TPGS1: variants seen among roughly 807,000 people sequenced by gnomAD.
The protein encoded by TPGS1 is tubulin polyglutamylase complex subunit 1.
A neutral mutation model predicts 11.9 loss-of-function variants in TPGS1; 18 were observed. The observed-to-expected ratio is 1.51, with a 90% CI of 1.04 to 2.24. The LOEUF (loss-of-function observed/expected upper bound fraction) is 2.24. Ranked by LOEUF, TPGS1 falls within the 30% of genes most tolerant of loss-of-function variation. The pLI, the probability that TPGS1 is intolerant of heterozygous loss-of-function variation, is 0.00. For synonymous variants in TPGS1, 247 were observed against 218.2 expected, an observed-to-expected ratio of 1.13 and a Z score of -1.16; for missense variants, 500 against 443.0, an observed-to-expected ratio of 1.13 and a Z score of -1.16.
At chr19:507,873 G>A (rs1003325670) in intron 1 of TPGS1, 29 bp downstream of exon 1, 2 of 1,301,200 alleles carry the variant, frequency 1.5e-6, no homozygotes, top group Non-Finnish European at 2.0e-6. Context: ...TGGGCGGGTG[G>A]GGCAGCGATG....
chr19:509,941 A>T (rs1210118866), intron 1 of TPGS1: 1 of 152,294 alleles, frequency 6.6e-6, no homozygotes, highest in Non-Finnish European at 1.5e-5. Context: ...TGCAGAAGAC[A>T]GGTGCACAGA....
At chr19:508,451 C>G (rs565367002) in intron 1 of TPGS1, 1 of 152,336 alleles carries the variant, frequency 6.6e-6, no homozygotes, top group Non-Finnish European at 1.5e-5. Context: ...CTGAAGCATG[C>G]GAGGCTGCAG....
At chr19:509,204 C>T (rs1023226459) in intron 1 of TPGS1, 3 of 152,142 alleles carry the variant, frequency 2.0e-5, no homozygotes, top group African/African-American at 7.3e-5. Flanking sequence ...CCCAGAGAGC[C>T]CACCAGAGAG....
chr19:519,534 C>T lies in TPGS1; in HGVS notation c.*111C>T. ...GCCCTGCCATAACCAGGCGCCCAGC[C>T]CTGCGGAGGAGGCCGGGGCTCCCAG... On this transcript the variant is annotated 3_prime_UTR_variant, in exon 2 of 2. Transcript: ENST00000359315. 1.9e-6 allele frequency: 2 copies of T among 1,030,614 alleles called. No individual in the cohort carries two copies. Among genetic ancestry groups the T allele is most frequent in the Non-Finnish European group, 2.4e-6 (2 of 826,190 alleles). The allele number at this position is 1,030,614 out of a possible 1,614,324, so 63.8% of individuals were successfully genotyped here.
chr19:519,539 G>A lies in TPGS1; in HGVS notation c.*116G>A, dbSNP rs889689570. 2.9e-5 allele frequency: 29 copies of A among 992,626 alleles called. 1 individual carries two copies. Among genetic ancestry groups the A allele is most frequent in the African/African-American group, 2.4e-4 (14 of 57,990 alleles). 61.5% of individuals were successfully genotyped at this position (992,626 alleles called of 1,614,324 possible). ...GCCATAACCAGGCGCCCAGCCCTGC[G>A]GAGGAGGCCGGGGCTCCCAGGAAGC... On this transcript the variant is annotated 3_prime_UTR_variant, in exon 2 of 2. Transcript: ENST00000359315.
intron 1 of TPGS1, among the ~76,000 whole-genome samples, chr19:515,337 G>A (rs959946583): frequency 6.6e-6 from 1 of 150,738 alleles, no homozygotes; most frequent in African/African-American, 2.5e-5. Context: ...GGAGGTGGAG[G>A]CTGCTGTGAG....
At chr19:512,105 A>G (rs1302684127) in intron 1 of TPGS1, among the ~76,000 whole-genome samples, 1 of 152,104 alleles carries the variant, frequency 6.6e-6, no homozygotes, top group Non-Finnish European at 1.5e-5. Flanking sequence ...TCCTGACCTC[A>G]AGTGATCCAC....
chr19:513,021 C>A (rs1297444889), intron 1 of TPGS1, among the ~76,000 whole-genome samples: 1 of 152,220 alleles, frequency 6.6e-6, no homozygotes, highest in African/African-American at 2.4e-5. Context: ...CCTAAGAGAC[C>A]CCAAGCCAGA....
At chr19:507,908 C>T (rs1978672934) in intron 1 of TPGS1, 64 bp downstream of exon 1, 1 of 1,226,506 alleles carries the variant, frequency 8.2e-7, no homozygotes, top group Non-Finnish European at 1.0e-6. Flanking sequence ...GCATGCCGCG[C>T]GCGGCTCCCT....
At chr19:513,339 G>C (rs78503407) in intron 1 of TPGS1, among the ~76,000 whole-genome samples, 8,439 of 152,308 alleles carry the variant, frequency 0.055, 288 homozygotes, top group South Asian at 0.1. Context: ...ACTTGGGAGG[G>C]AAAAGGAGCG....
At position 507,537 on chromosome 19, in the gene TPGS1, G is replaced by C; in HGVS notation, c.31G>C (p.Val11Leu). 7.0e-7 allele frequency: 1 copy of C among 1,421,148 alleles called. No individual in the cohort carries two copies. Among genetic ancestry groups the C allele is most frequent in the Non-Finnish European group, 9.2e-7 (1 of 1,083,890 alleles). 88.0% of individuals were successfully genotyped at this position (1,421,148 alleles called of 1,614,324 possible). Residue 11 changes from valine to leucine, a missense_variant, in exon 1 of 2, where the codon GTA becomes CTA. Transcript: ENST00000359315. ...GGCAGTGGAGAAGCGGCGGCAAGCG[G>C]TACCACCGCCGGCCGGTTTCACGGA... is the stretch of plus-strand genomic sequence containing the variant. MAAVEKRRQA[V>L]PPPAGFTDSG...
Position 519,462 on chromosome 19 carries a change from G to C in TPGS1, c.*39G>C. The C allele has an allele frequency of 8.4e-7, 1 of 1,189,520 alleles. No homozygotes were observed. The highest frequency in any genetic ancestry group is 1.0e-6 in the Non-Finnish European group (1 of 960,018). The allele number at this position is 1,189,520 out of a possible 1,614,324, so 73.7% of individuals were successfully genotyped here. A position where few individuals can be genotyped will look rare whatever the true frequency, so the allele number is the denominator to read the frequency against. On this transcript the variant is annotated 3_prime_UTR_variant, in exon 2 of 2. Transcript: ENST00000359315. ...CGCGGATCCGGGATCTGCGCTGGGGGGTCCCCGCGTGCGGGGCGCGCGGAG... is the reference window on the plus strand; with the variant it reads ...CGCGGATCCGGGATCTGCGCTGGGGCGTCCCCGCGTGCGGGGCGCGCGGAG...
Position 507,741 on chromosome 19 carries a change from C to A in TPGS1, c.235C>A (p.Pro79Thr). The stretch of plus-strand genomic sequence containing the variant: ...CTTCGAGAACATGGGCCTGCGCTCG[C>A]CTGTAAACGGCGGCGCCGGGGAGCC... Reference protein sequence around the residue: ...HYFENMGLRSPVNGGAGEPPG... With the variant: ...HYFENMGLRSTVNGGAGEPPG... Residue 79 changes from proline to threonine, a missense_variant, in exon 1 of 2, where the codon CCT becomes ACT. Transcript: ENST00000359315. The A allele has an allele frequency of 7.1e-7, 1 of 1,398,800 alleles. No individual in the cohort carries two copies. Among genetic ancestry groups the A allele is most frequent in the East Asian group, 3.0e-5 (1 of 33,542 alleles). The allele number at this position is 1,398,800 out of a possible 1,614,324, so 86.6% of individuals were successfully genotyped here. A position where few individuals can be genotyped will look rare whatever the true frequency, so the allele number is the denominator to read the frequency against.
At chr19:512,957 G>A (rs1385232185) in intron 1 of TPGS1, among the ~76,000 whole-genome samples, 2 of 152,220 alleles carry the variant, frequency 1.3e-5, no homozygotes, top group Non-Finnish European at 2.9e-5. Flanking sequence ...GTTCCCCTGC[G>A]GGGGACTGGG....
At chr19:517,271 C>T (rs536946521) in intron 1 of TPGS1, among the ~76,000 whole-genome samples, 13 of 145,404 alleles carry the variant, frequency 8.9e-5, no homozygotes, top group African/African-American at 3.3e-4. Context: ...TGAGGGAGAT[C>T]TGGGGGAAGG....
intron 1 of TPGS1, chr19:510,052 CCT>C (rs1316564380): frequency 6.6e-6 from 1 of 152,362 alleles, no homozygotes; most frequent in Non-Finnish European, 1.5e-5. Flanking sequence ...GTCAGGAACC[CCT>C]GAGGTCACCT....
Position 507,545 on chromosome 19 carries a change from G to A in TPGS1, c.39G>A (p.Pro13=), listed in dbSNP as rs370127539. 2.8e-4 allele frequency: 402 copies of A among 1,418,150 alleles called. 2 individuals are homozygous for A. The African/African-American group carries it at 5.4e-3, about 19-fold the overall frequency. 87.8% of individuals were successfully genotyped at this position (1,418,150 alleles called of 1,614,324 possible). A position where few individuals can be genotyped will look rare whatever the true frequency, so the allele number is the denominator to read the frequency against. ...AGAAGCGGCGGCAAGCGGTACCACC[G>A]CCGGCCGGTTTCACGGACAGCGGCC... is the stretch of plus-strand genomic sequence containing the variant. The part of the protein sequence containing the change: ...AVEKRRQAVP[P]PAGFTDSGRQ... Residue 13 remains proline (P), a synonymous_variant, in exon 1 of 2, where the codon CCG becomes CCA. Transcript: ENST00000359315.
At chr19:513,916 C>G (rs1334514350) in intron 1 of TPGS1, among the ~76,000 whole-genome samples, 1 of 150,894 alleles carries the variant, frequency 6.6e-6, no homozygotes, top group Non-Finnish European at 1.5e-5. Context: ...TGAGCACCTA[C>G]TGTGCACTAG....
rs1297603125 is a variant in TPGS1 at position 507,624 on chromosome 19, C to A, written c.118C>A (p.Arg40=). The A allele has an allele frequency of 7.2e-7, 1 of 1,392,536 alleles. No homozygotes were observed. Among genetic ancestry groups the A allele is most frequent in the Non-Finnish European group, 9.4e-7 (1 of 1,059,432 alleles). The allele number at this position is 1,392,536 out of a possible 1,614,324, so 86.3% of individuals were successfully genotyped here. A position where few individuals can be genotyped will look rare whatever the true frequency, so the allele number is the denominator to read the frequency against. Residue 40 remains arginine, a synonymous_variant, in exon 1 of 2, where the codon CGG becomes AGG. Coordinates refer to ENST00000359315, the MANE Select transcript of TPGS1 (RefSeq NM_033513.3). Reference sequence around the variant, plus strand: ...GGCCGAGAGCGAGGAGGACTTCCTGCGGCAGGTCGGCGTGACGGAAATGCT... The same window carrying A: ...GGCCGAGAGCGAGGAGGACTTCCTGAGGCAGGTCGGCGTGACGGAAATGCT... The part of the protein sequence containing the change: ...GAAESEEDFL[R]QVGVTEMLRA...
Sources: gnomAD v4.1 joint callset for allele counts (sites outside exome capture counted in the v4.1 genomes callset) on GRCh38, gnomAD v4.1.1 for gene constraint, MANE v1.5 for transcripts, NCBI Gene and HGNC (gene_info 2026-07-23, HGNC 2026-07-21) for gene names.